ALK: variants seen among roughly 807,000 people sequenced by gnomAD.
The protein encoded by ALK is ALK tyrosine kinase receptor.
In ALK, 74 loss-of-function variants were observed where a neutral mutation model predicts 163.1. The ratio of observed to expected loss-of-function variants is 0.45; its 90% CI spans 0.38 to 0.55. The LOEUF is 0.55. Ranked by LOEUF, ALK falls within the 20% of genes least tolerant of loss-of-function variation. The probability of loss-of-function intolerance (pLI) is 0.00; values close to 1 mark genes in which losing one functional copy is unlikely to be tolerated. For missense variants in ALK, 2,063 were observed against 2,105.3 expected, an observed-to-expected ratio of 0.98 and a Z score of 0.39; for synonymous variants, 960 against 843.2, an observed-to-expected ratio of 1.14 and a Z score of -2.40.
intron 1 of ALK, among the ~76,000 whole-genome samples, chr2:29,893,041 G>A (rs965768846): frequency 7.9e-5 from 12 of 152,142 alleles, no homozygotes; most frequent in African/African-American, 2.9e-4. Flanking sequence ...TGGCCATAAT[G>A]TTTCCCTCCT....
At chr2:29,623,350 T>A (rs189882074) in intron 3 of ALK, among the ~76,000 whole-genome samples, 2 of 152,344 alleles carry the variant, frequency 1.3e-5, no homozygotes, top group African/African-American at 4.8e-5. Flanking sequence ...TCTGATAAAA[T>A]GTTTTGCAAC....
intron 5 of ALK, among the ~76,000 whole-genome samples, chr2:29,356,472 AAG>A (rs1491152429): frequency 9.6e-5 from 8 of 82,964 alleles, no homozygotes; most frequent in East Asian, 1.8e-3. Context: ...GGAAAAAAAA[AAG>A]TCCCAGGGAA....
chr2:29,229,157 A>C, intron 15 of ALK, 91 bp from the exon 16 acceptor site: 1 of 1,227,852 alleles, frequency 8.1e-7, no homozygotes, highest in East Asian at 2.5e-5. Flanking sequence ...GACGCCTTGG[A>C]GGGCGCCCGC....
chr2:29,827,528 TG>T (rs1263369394), intron 1 of ALK, among the ~76,000 whole-genome samples: 6 of 152,338 alleles, frequency 3.9e-5, no homozygotes, highest in Middle Eastern at 3.4e-3. Context: ...TAGACCAATC[TG>T]TTTAGTGAGC....
chr2:29,651,306 T>C (rs1677028616), intron 3 of ALK, among the ~76,000 whole-genome samples: 1 of 152,128 alleles, frequency 6.6e-6, no homozygotes, highest in Non-Finnish European at 1.5e-5. Context: ...AAATGTTAAT[T>C]TAAAGAGCTA....
chr2:29,223,612 C>A (rs1669871334), intron 19 of ALK, 84 bp from the exon 20 acceptor site: 4 of 1,355,194 alleles, frequency 3.0e-6, no homozygotes, highest in Middle Eastern at 4.7e-4. Context: ...AGGAAGCCTC[C>A]CTGGATCTCC....
intron 15 of ALK, among the ~76,000 whole-genome samples, chr2:29,231,224 G>A (rs2001261): frequency 0.28 from 42,922 of 152,136 alleles, 7,249 homozygotes; most frequent in East Asian, 0.69. Context: ...TGTAATCCCA[G>A]CTACTCGGGA....
At chr2:29,354,621 A>G (rs559118034) in intron 5 of ALK, among the ~76,000 whole-genome samples, 1 of 151,910 alleles carries the variant, frequency 6.6e-6, no homozygotes. Context: ...AGAGAAGCTA[A>G]AACCCAGAGG....
chr2:29,614,407 T>C (rs1675782979), intron 3 of ALK, among the ~76,000 whole-genome samples: 1 of 152,218 alleles, frequency 6.6e-6, no homozygotes, highest in Admixed American at 6.5e-5. Context: ...TGAAAGGCTC[T>C]GCGGTTAGTT....
chr2:29,378,988 C>T (rs1372773334), intron 5 of ALK, among the ~76,000 whole-genome samples: 1 of 152,212 alleles, frequency 6.6e-6, no homozygotes, highest in Non-Finnish European at 1.5e-5. Flanking sequence ...GCTGGAATTA[C>T]AGGCATGAGC....
At chr2:29,473,322 T>C (rs995513320) in intron 4 of ALK, among the ~76,000 whole-genome samples, 3 of 152,184 alleles carry the variant, frequency 2.0e-5, no homozygotes, top group African/African-American at 7.2e-5. Flanking sequence ...AAATGAATTA[T>C]AGACCTAAAT....
intron 25 of ALK, among the ~76,000 whole-genome samples, chr2:29,208,775 T>A (rs962581497): frequency 6.6e-6 from 1 of 152,016 alleles, no homozygotes; most frequent in Non-Finnish European, 1.5e-5. Flanking sequence ...AGGGAAGGGG[T>A]CATCCTGTGC....
intron 3 of ALK, among the ~76,000 whole-genome samples, chr2:29,575,191 G>A (rs887860469): frequency 6.6e-6 from 1 of 152,154 alleles, no homozygotes; most frequent in Non-Finnish European, 1.5e-5. Flanking sequence ...AAGGGTGAAC[G>A]GTGTTGCGGG....
intron 1 of ALK, among the ~76,000 whole-genome samples, chr2:29,861,033 ATGGTGG>A (rs1210019802): frequency 2.0e-5 from 3 of 152,114 alleles, no homozygotes; most frequent in Non-Finnish European, 2.9e-5. Context: ...GTGGTTGGGT[ATGGTGG>A]CATGTGCCTG....
intron 4 of ALK, among the ~76,000 whole-genome samples, chr2:29,501,669 A>AT (rs559951381): frequency 7.7e-4 from 116 of 151,434 alleles, no homozygotes; most frequent in Non-Finnish European, 1.0e-3. Flanking sequence ...TTTTGAAAAC[A>AT]TTTTTTTTTA....
intron 9 of ALK, among the ~76,000 whole-genome samples, chr2:29,280,287 G>A (rs1442289519): frequency 6.6e-6 from 1 of 151,828 alleles, no homozygotes; most frequent in Admixed American, 6.6e-5. Flanking sequence ...CTGGGATTGA[G>A]TGAAAGTTTT....
chr2:29,295,696 C>T (rs1030413686), intron 9 of ALK, among the ~76,000 whole-genome samples: 2 of 152,196 alleles, frequency 1.3e-5, no homozygotes, highest in African/African-American at 4.8e-5. Context: ...ACCAGCTTTA[C>T]ACTTATAAAG....
At chr2:29,526,785 C>T (rs751623606) in intron 4 of ALK, among the ~76,000 whole-genome samples, 4 of 152,242 alleles carry the variant, frequency 2.6e-5, no homozygotes, top group South Asian at 2.1e-4. Flanking sequence ...TTGCACTGGG[C>T]TGACTGAAGT....
Position 29,502,536 on chromosome 2 carries a change from A to G in ALK, c.1154+29379T>C, listed in dbSNP as rs371488916. Among the ~76,000 whole-genome samples, 7 of 152,060 alleles carry G rather than the reference A, an allele frequency of 4.6e-5. No individual in the cohort carries two copies. The East Asian group carries it at 5.8e-4, about 13-fold the overall frequency. On this transcript the variant is annotated intron_variant, in intron 4 of 28. Coordinates refer to ENST00000389048, the MANE Select transcript of ALK (RefSeq NM_004304.5). ...ACTTCATAAATCTTGAGCTCCCCCA[A>G]TGTAAATTGCCATCAAACAAGCAGA... is the stretch of plus-strand genomic sequence containing the variant.
Sources: gnomAD v4.1 joint callset for allele counts (sites outside exome capture counted in the v4.1 genomes callset) on GRCh38, gnomAD v4.1.1 for gene constraint, MANE v1.5 for transcripts, NCBI Gene and HGNC (gene_info 2026-07-23, HGNC 2026-07-21) for gene names.